Variants in STPG2 observed in about 807,000 individuals in gnomAD.
STPG2 encodes sperm-tail PG-rich repeat-containing protein 2.
A neutral mutation model predicts 54.2 loss-of-function variants in STPG2; 56 were observed. That is an observed-to-expected ratio of 1.03 (90% CI 0.83 to 1.29). STPG2 has a LOEUF of 1.29. Among genes scored for constraint, STPG2 ranks in the 50% most tolerant of loss-of-function variants. STPG2 has a pLI of 0.00. For missense variants in STPG2, 596 were observed against 544.9 expected (o/e 1.09, Z -0.93); for synonymous variants, 200 against 181.8 (o/e 1.10, Z -0.81).
intron 8 of STPG2, among the ~76,000 whole-genome samples, chr4:97,889,691 T>C (rs1190419352): frequency 6.6e-6 from 1 of 151,780 alleles, no homozygotes; most frequent in East Asian, 1.9e-4. Flanking sequence ...GGAAAGAGAG[T>C]TTTGGGGACG....
intron 10 of STPG2, among the ~76,000 whole-genome samples, chr4:97,573,613 A>C (rs970633504): frequency 6.6e-6 from 1 of 152,058 alleles, no homozygotes; most frequent in African/African-American, 2.4e-5. Context: ...AATTGTCTGC[A>C]CTCTTCTATG....
At chr4:98,114,222 T>C (rs146521493) in intron 3 of STPG2, among the ~76,000 whole-genome samples, 10 of 152,184 alleles carry the variant, frequency 6.6e-5, no homozygotes, top group African/African-American at 2.4e-4. Flanking sequence ...TTAAAGTACA[T>C]AGGCAGTTTT....
At chr4:98,034,160 T>G (rs112493841) in intron 5 of STPG2, among the ~76,000 whole-genome samples, 1 of 152,272 alleles carries the variant, frequency 6.6e-6, no homozygotes, top group South Asian at 2.1e-4. Flanking sequence ...GGAACTCAAA[T>G]TGTCTCTGTT....
chr4:97,675,599 AGAG>A (rs1344278767), intron 10 of STPG2, among the ~76,000 whole-genome samples: 5 of 152,000 alleles, frequency 3.3e-5, no homozygotes, highest in Non-Finnish European at 7.4e-5. Context: ...GCCAAGAATA[AGAG>A]AAGGCTCTCC....
chr4:97,904,189 T>C (rs1292663562), intron 8 of STPG2, among the ~76,000 whole-genome samples: 1 of 152,174 alleles, frequency 6.6e-6, no homozygotes, highest in Non-Finnish European at 1.5e-5. Flanking sequence ...TCTGCAGACT[T>C]AAATGTCCCT....
intron 9 of STPG2, among the ~76,000 whole-genome samples, chr4:97,821,379 C>A (rs907369680): frequency 2.0e-5 from 3 of 152,192 alleles, no homozygotes; most frequent in African/African-American, 7.2e-5. Flanking sequence ...CAGGATACAG[C>A]CCCTGCAACT....
At chr4:97,554,038 T>C (rs17026792), downstream of STPG2, among the ~76,000 whole-genome samples, 10,367 of 152,270 alleles carry the variant, frequency 0.068, 990 homozygotes, top group African/African-American at 0.22. Flanking sequence ...TATCTTTAAC[T>C]CTTCTAAAGT....
At chr4:97,826,319 G>A (rs1158961966) in intron 9 of STPG2, among the ~76,000 whole-genome samples, 1 of 152,170 alleles carries the variant, frequency 6.6e-6, no homozygotes, top group African/African-American at 2.4e-5. Flanking sequence ...TACATTTAGA[G>A]GGTTAAAGGA....
At chr4:97,863,432 C>T (rs190767146) in intron 8 of STPG2, among the ~76,000 whole-genome samples, 4 of 152,038 alleles carry the variant, frequency 2.6e-5, no homozygotes, top group African/African-American at 7.2e-5. Flanking sequence ...CAATAACAGG[C>T]TCTGAAATTG....
At chr4:97,616,592 G>T (rs1366724017) in intron 10 of STPG2, among the ~76,000 whole-genome samples, 1 of 151,870 alleles carries the variant, frequency 6.6e-6, no homozygotes, top group East Asian at 1.9e-4. Context: ...GGCATTATTG[G>T]TTTGTTTCTA....
intron 4 of STPG2, among the ~76,000 whole-genome samples, chr4:97,496,264 T>C (rs1730609140): frequency 6.6e-6 from 1 of 151,784 alleles, no homozygotes; most frequent in South Asian, 2.1e-4. Context: ...ATTTGCTTTT[T>C]AGCGATTATA....
intron 9 of STPG2, among the ~76,000 whole-genome samples, chr4:97,797,859 T>C (rs1208864275): frequency 6.6e-6 from 1 of 152,190 alleles, no homozygotes; most frequent in Non-Finnish European, 1.5e-5. Context: ...TTGCCTCAAT[T>C]TCAGAGCCTG....
chr4:97,764,903 A>C (rs1725993049), intron 9 of STPG2, among the ~76,000 whole-genome samples: 2 of 152,110 alleles, frequency 1.3e-5, no homozygotes, highest in South Asian at 4.1e-4. Flanking sequence ...CTGAATCCAG[A>C]AAAAGGGGTG....
At chr4:97,463,763 T>C (rs1729724700) in intron 4 of STPG2, among the ~76,000 whole-genome samples, 1 of 152,236 alleles carries the variant, frequency 6.6e-6, no homozygotes, top group Non-Finnish European at 1.5e-5. Context: ...CCTATTGTTA[T>C]TATCTTACAT....
At chr4:97,502,294 T>A (rs1730742838) in intron 4 of STPG2, among the ~76,000 whole-genome samples, 1 of 151,772 alleles carries the variant, frequency 6.6e-6, no homozygotes. Context: ...TAAAAAAAAA[T>A]ACCTTAGGCA....
intron 10 of STPG2, among the ~76,000 whole-genome samples, chr4:97,696,331 A>G (rs1723573194): frequency 1.3e-5 from 2 of 152,216 alleles, no homozygotes; most frequent in African/African-American, 4.8e-5. Context: ...CACACACAGA[A>G]GAAAACTGAA....
chr4:97,699,102 G>A (rs930369364), intron 10 of STPG2, among the ~76,000 whole-genome samples: 4 of 152,184 alleles, frequency 2.6e-5, no homozygotes, highest in African/African-American at 9.7e-5. Context: ...CCAGGTAGTT[G>A]GCTGATCACC....
At chr4:97,735,776 G>A (rs972190231) in intron 9 of STPG2, among the ~76,000 whole-genome samples, 3 of 151,720 alleles carry the variant, frequency 2.0e-5, no homozygotes, top group Admixed American at 6.6e-5. Context: ...GTGTGTGTAT[G>A]TATGTTAACC....
At chr4:97,707,365 C>T (rs1723979979) in intron 10 of STPG2, among the ~76,000 whole-genome samples, 1 of 151,718 alleles carries the variant, frequency 6.6e-6, no homozygotes, top group African/African-American at 2.4e-5. Context: ...GCAAAAAATA[C>T]AAAAAATTAG....
Sources: gnomAD v4.1 joint callset for allele counts (sites outside exome capture counted in the v4.1 genomes callset) on GRCh38, gnomAD v4.1.1 for gene constraint, MANE v1.5 for transcripts, NCBI Gene and HGNC (gene_info 2026-07-23, HGNC 2026-07-21) for gene names.